The following PDE4B variants were observed in gnomAD, a reference collection of about 807,000 sequenced individuals.
PDE4B encodes the protein 3',5'-cyclic-AMP phosphodiesterase 4B.
In PDE4B, 20 loss-of-function variants were observed where a neutral mutation model predicts 82.2. That is an observed-to-expected ratio of 0.24 (90% CI 0.17 to 0.35). The LOEUF is 0.35. Among genes scored for constraint, PDE4B ranks in the 10% least tolerant of loss-of-function variants. PDE4B has a pLI of 1.00. For missense variants in PDE4B, 655 were observed against 907.2 expected (o/e 0.72, Z 3.57); for synonymous variants, 320 against 318.9 (o/e 1.00, Z -0.04).
At chr1:66,309,205 G>T (rs1336443300) in intron 7 of PDE4B, among the ~76,000 whole-genome samples, 4 of 152,160 alleles carry the variant, frequency 2.6e-5, no homozygotes, top group African/African-American at 4.8e-5. Context: ...AAGGCTCTAT[G>T]TTAACCATTC....
Position 66,148,272 on chromosome 1 carries a change from A to AAAT in PDE4B, c.282-99170_282-99168dup, listed in dbSNP as rs1165348869. 6.9e-4 allele frequency among the ~76,000 whole-genome samples: 105 copies of AAAT among 151,778 alleles called. 1 individual carries two copies. Among genetic ancestry groups the AAAT allele is most frequent in the Middle Eastern group, 3.4e-3 (1 of 292 alleles). ...GTGATAGAGTGAGATGCTGTCTTTA[A>AAAT]AATAATAATAATAATAATAAAATAA... On this transcript the variant is annotated intron_variant, in intron 3 of 16. Transcript: ENST00000341517.
At chr1:66,349,223 T>C (rs1300787837) in intron 8 of PDE4B, among the ~76,000 whole-genome samples, 6 of 152,220 alleles carry the variant, frequency 3.9e-5, no homozygotes, top group African/African-American at 1.4e-4. Context: ...TGCCTTTTAA[T>C]ATGTCACTTG....
At chr1:66,223,032 G>A (rs537639955) in intron 3 of PDE4B, among the ~76,000 whole-genome samples, 17 of 152,164 alleles carry the variant, frequency 1.1e-4, no homozygotes, top group African/African-American at 3.4e-4. Context: ...TTAACGAAAC[G>A]TTAACTCTAG....
At chr1:66,303,800 C>T (rs983680333) in intron 7 of PDE4B, among the ~76,000 whole-genome samples, 3 of 152,096 alleles carry the variant, frequency 2.0e-5, no homozygotes, top group South Asian at 4.1e-4. Context: ...GGAAACTTAA[C>T]CATGACACTT....
At chr1:65,927,964 C>A (rs1432702394) in intron 3 of PDE4B, among the ~76,000 whole-genome samples, 3 of 152,142 alleles carry the variant, frequency 2.0e-5, no homozygotes, top group Non-Finnish European at 4.4e-5. Flanking sequence ...AATTACCTGA[C>A]CTCCATAAGC....
At chr1:65,957,423 A>ATTCTGG (rs35539452) in intron 3 of PDE4B, among the ~76,000 whole-genome samples, 1 of 1,166 alleles carries the variant, frequency 8.6e-4, no homozygotes, top group Non-Finnish European at 1.9e-3. Flanking sequence ...TGGGCTCTCT[A>ATTCTGG]TTTGTTTGGC....
intron 1 of PDE4B, among the ~76,000 whole-genome samples, chr1:65,868,095 C>A (rs544650989): frequency 1.3e-5 from 2 of 152,300 alleles, no homozygotes; most frequent in Admixed American, 6.5e-5. Flanking sequence ...GCTCTCATTG[C>A]TAACTTTGAC....
chr1:65,857,024 C>G (rs1302563747), intron 1 of PDE4B, among the ~76,000 whole-genome samples: 1 of 152,142 alleles, frequency 6.6e-6, no homozygotes, highest in African/African-American at 2.4e-5. Context: ...ATTGTGTCAT[C>G]AAAATAGCAT....
intron 1 of PDE4B, among the ~76,000 whole-genome samples, chr1:65,847,723 G>C (rs952644663): frequency 1.4e-4 from 22 of 152,192 alleles, no homozygotes; most frequent in Non-Finnish European, 4.4e-5. Flanking sequence ...CTAAGAAGCA[G>C]AAGGTATTAA....
intron 3 of PDE4B, among the ~76,000 whole-genome samples, chr1:66,100,632 C>G (rs903534516): frequency 6.6e-6 from 1 of 152,088 alleles, no homozygotes; most frequent in Non-Finnish European, 1.5e-5. Context: ...ATGAAAAATA[C>G]TTTCCAGCTT....
chr1:66,322,613 C>T (rs764514602), intron 7 of PDE4B, among the ~76,000 whole-genome samples: 13 of 151,974 alleles, frequency 8.6e-5, no homozygotes, highest in Admixed American at 3.3e-4. Flanking sequence ...CAATGAGATA[C>T]CATCTCACGC....
intron 8 of PDE4B, among the ~76,000 whole-genome samples, chr1:66,340,669 G>A (rs999976148): frequency 1.7e-4 from 26 of 152,040 alleles, no homozygotes; most frequent in Non-Finnish European, 3.2e-4. Flanking sequence ...ACAGCATAGT[G>A]CATAATGTTT....
intron 3 of PDE4B, among the ~76,000 whole-genome samples, chr1:65,986,901 C>T (rs990165390): frequency 5.3e-5 from 8 of 151,898 alleles, no homozygotes; most frequent in East Asian, 1.9e-4. Context: ...ATGAAGCAAG[C>T]GATATTTGGG....
intron 3 of PDE4B, among the ~76,000 whole-genome samples, chr1:66,201,999 C>T (rs1315993991): frequency 6.6e-6 from 1 of 152,168 alleles, no homozygotes; most frequent in South Asian, 2.1e-4. Flanking sequence ...TATAAATTTC[C>T]CTCTACACAC....
intron 3 of PDE4B, among the ~76,000 whole-genome samples, chr1:65,964,128 C>G (rs1649691423): frequency 6.6e-6 from 1 of 151,970 alleles, no homozygotes. Flanking sequence ...AAAATTTATT[C>G]CAGGTCAGGC....
intron 3 of PDE4B, among the ~76,000 whole-genome samples, chr1:66,168,651 G>T (rs1484310302): frequency 6.6e-6 from 1 of 152,198 alleles, no homozygotes; most frequent in African/African-American, 2.4e-5. Context: ...GGCTGTCATT[G>T]TGAATAGAAG....
intron 7 of PDE4B, among the ~76,000 whole-genome samples, chr1:66,311,261 C>T (rs1214490674): frequency 6.6e-6 from 1 of 152,224 alleles, no homozygotes; most frequent in Admixed American, 6.5e-5. Flanking sequence ...AACACATTCT[C>T]TTTATCAGCG....
At chr1:66,070,537 G>A (rs1656100326) in intron 3 of PDE4B, among the ~76,000 whole-genome samples, 1 of 151,966 alleles carries the variant, frequency 6.6e-6, no homozygotes, top group Non-Finnish European at 1.5e-5. Flanking sequence ...ATTCATCTTT[G>A]CTGAGAAATT....
chr1:66,327,339 T>C (rs1293634764), intron 7 of PDE4B, among the ~76,000 whole-genome samples: 1 of 152,222 alleles, frequency 6.6e-6, no homozygotes, highest in East Asian at 1.9e-4. Context: ...TGTGATCCTA[T>C]TTATGTTATA....
Sources: gnomAD v4.1 joint callset for allele counts (sites outside exome capture counted in the v4.1 genomes callset) on GRCh38, gnomAD v4.1.1 for gene constraint, MANE v1.5 for transcripts, NCBI Gene and HGNC (gene_info 2026-07-23, HGNC 2026-07-21) for gene names.